The following SMIM12 variants were observed in gnomAD, a reference collection of about 807,000 sequenced individuals.
The protein encoded by SMIM12 is UPF0767 protein C1orf212.
SMIM12 carries 5 observed loss-of-function variants against 6.3 expected under a neutral mutation model. The ratio of observed to expected loss-of-function variants is 0.80; its 90% confidence interval spans 0.42 to 1.68. The LOEUF (loss-of-function observed/expected upper bound fraction) is 1.68, where lower values mean the gene tolerates loss of function less well. Among genes scored for constraint, SMIM12 ranks in the 40% most tolerant of loss-of-function variants. The pLI is 0.02. For missense variants in SMIM12, 103 were observed against 121.4 expected (o/e 0.85, Z 0.71); for synonymous variants, 51 against 48.0 (o/e 1.06, Z -0.26).
Position 34,851,089 on chromosome 1 carries a change from A to G in SMIM12, c.*4610T>C, listed in dbSNP as rs1051927013. 6.6e-6 allele frequency: 1 copy of G among 152,232 alleles called. No homozygotes were observed. Among genetic ancestry groups the G allele is most frequent in the African/African-American group, 2.4e-5 (1 of 41,454 alleles). The allele number at this position is 152,232 out of a possible 1,614,324, so 9.4% of individuals were successfully genotyped here. On this transcript the variant is annotated 3_prime_UTR_variant, in exon 2 of 2. Coordinates refer to ENST00000521580, the MANE Select transcript of SMIM12 (RefSeq NM_138428.6). Reference sequence around the variant, plus strand: ...GATACACACAACTATTGCAGGAAACATAGGTTCTTCCTGCAATACAATTAA... The same window carrying G: ...GATACACACAACTATTGCAGGAAACGTAGGTTCTTCCTGCAATACAATTAA...
rs1290181064 is a variant in SMIM12 at position 34,851,873 on chromosome 1, G to C, written c.*3826C>G. The stretch of plus-strand genomic sequence containing the variant: ...CATGTGTTTCAGTGAACTGTGACTG[G>C]AAGGCCAGTCAAAAAGAGGGTCACA... On this transcript the variant is annotated 3_prime_UTR_variant, in exon 2 of 2. Coordinates refer to ENST00000521580, the MANE Select transcript of SMIM12 (RefSeq NM_138428.6). Among the ~76,000 whole-genome samples, 1 of 152,186 alleles carries C rather than the reference G, an allele frequency of 6.6e-6. No homozygotes were observed. The highest frequency in any genetic ancestry group is 6.5e-5 in the Admixed American group (1 of 15,284).
rs1331754997 is a variant in SMIM12, at chr1:34,851,418, T to C, written c.*4281A>G. On this transcript the variant is annotated 3_prime_UTR_variant, in exon 2 of 2. Transcript: ENST00000521580. ...CCACTTTATTTTTCCTCTGCTACACTGCCCTGGCTCCCTACCCTACAAGTG... is the reference window on the plus strand; with the variant it reads ...CCACTTTATTTTTCCTCTGCTACACCGCCCTGGCTCCCTACCCTACAAGTG... The C allele has an allele frequency of 6.6e-6, 1 of 152,232 alleles. No homozygotes were observed. The highest frequency in any genetic ancestry group is 2.4e-5 in the African/African-American group (1 of 41,446). 9.4% of individuals were successfully genotyped at this position (152,232 alleles called of 1,614,324 possible). A position where few individuals can be genotyped will look rare whatever the true frequency, so the allele number is the denominator to read the frequency against.
Position 34,855,752 on chromosome 1 carries a change from G to A in SMIM12, c.226C>T (p.Leu76=). 6.3e-7 allele frequency: 1 copy of A among 1,591,704 alleles called. No individual in the cohort carries two copies. Among genetic ancestry groups the A allele is most frequent in the South Asian group, 1.1e-5 (1 of 88,642 alleles). The change falls in exon 2 of 2, where the codon CTA becomes TTA. Residue 76 remains leucine (L), a synonymous_variant. Coordinates refer to ENST00000521580, the MANE Select transcript of SMIM12 (RefSeq NM_138428.6). ...AGCACAGCTTTCGGGGCAAATTCTA[G>A]CTTGTCCTTAAGGCTCACCACCTGC... The part of the protein sequence containing the change: ...HTQVVSLKDK[L]EFAPKAVLNR...
Position 34,854,883 on chromosome 1 carries a change from G to T in SMIM12, c.*816C>A. 1 of 255,148 alleles carries T rather than the reference G, an allele frequency of 3.9e-6. No individual in the cohort carries two copies. The highest frequency in any genetic ancestry group is 7.2e-6 in the Non-Finnish European group (1 of 137,946). The allele number at this position is 255,148 out of a possible 1,614,324, so 15.8% of individuals were successfully genotyped here. On this transcript the variant is annotated 3_prime_UTR_variant, in exon 2 of 2. Coordinates refer to ENST00000521580, the MANE Select transcript of SMIM12 (RefSeq NM_138428.6). Reference sequence around the variant, plus strand: ...TGTAATAATGGTAAAAAGGTTCCTGGGAATCTGTGCCTCCAGGGTTCAGTG... The same window carrying T: ...TGTAATAATGGTAAAAAGGTTCCTGTGAATCTGTGCCTCCAGGGTTCAGTG...
chr1:34,852,028 G>A lies in SMIM12; in HGVS notation c.*3671C>T, dbSNP rs1640945008. Among the ~76,000 whole-genome samples, 1 of 152,214 alleles carries A rather than the reference G, an allele frequency of 6.6e-6. No individual in the cohort carries two copies. On this transcript the variant is annotated 3_prime_UTR_variant, in exon 2 of 2. Coordinates refer to ENST00000521580, the MANE Select transcript of SMIM12 (RefSeq NM_138428.6). ...TCTAATGTCACCCGAGCAGAGGCAA[G>A]AGCACATATACTATCTTACAGCCAC...
chr1:34,856,768 A>C (rs1260009044), intron 1 of SMIM12: 2 of 152,236 alleles, frequency 1.3e-5, no homozygotes, highest in Non-Finnish European at 2.9e-5. Flanking sequence ...AGCATATTTA[A>C]ACAGTCAAAT....
intron 1 of SMIM12, chr1:34,858,149 C>A (rs930421896): frequency 6.6e-6 from 1 of 151,970 alleles, no homozygotes; most frequent in African/African-American, 2.4e-5. Flanking sequence ...TCCAAGACTC[C>A]CCCGCTTATT....
intron 1 of SMIM12, among the ~76,000 whole-genome samples, chr1:34,856,390 C>T (rs1039882294): frequency 1.3e-5 from 2 of 152,142 alleles, no homozygotes; most frequent in Non-Finnish European, 1.5e-5. Context: ...GCACCCACCC[C>T]CGTGCAGAGC....
In SMIM12 at chr1:34,855,019, C is replaced by T. The variant is rs1316247182; in HGVS notation, c.*680G>A. The T allele has an allele frequency of 4.0e-6, 5 of 1,256,096 alleles. No individual in the cohort carries two copies. The highest frequency in any genetic ancestry group is 1.6e-5 in the African/African-American group (1 of 64,184). The allele number at this position is 1,256,096 out of a possible 1,614,324, so 77.8% of individuals were successfully genotyped here. A position where few individuals can be genotyped will look rare whatever the true frequency, so the allele number is the denominator to read the frequency against. On this transcript the variant is annotated 3_prime_UTR_variant, in exon 2 of 2. Coordinates refer to ENST00000521580, the MANE Select transcript of SMIM12 (RefSeq NM_138428.6). ...TAACTCCTAAGAAGACCCCCAAATA[C>T]CACCTGGATGATAAGATTCGATCAT... is the stretch of plus-strand genomic sequence containing the variant.
rs370693891 is a variant in SMIM12, at chr1:34,853,547, C to T, written c.*2152G>A. ...ACTATTTTTACTGTTTATTCCAAAA[C>T]GCAGGAAAAGCTTCATATAAGATAT... is the stretch of plus-strand genomic sequence containing the variant. On this transcript the variant is annotated 3_prime_UTR_variant, in exon 2 of 2. Coordinates refer to ENST00000521580, the MANE Select transcript of SMIM12 (RefSeq NM_138428.6). 3.9e-5 allele frequency: 6 copies of T among 152,314 alleles called. No homozygotes were observed. The highest frequency in any genetic ancestry group is 1.4e-4 in the African/African-American group (6 of 41,566). 9.4% of individuals were successfully genotyped at this position (152,314 alleles called of 1,614,324 possible).
chr1:34,856,120 G>A (rs1046746794), intron 1 of SMIM12, 138 bp from the exon 2 acceptor site: 18 of 1,069,534 alleles, frequency 1.7e-5, no homozygotes, highest in Admixed American at 1.2e-4. Context: ...TTGCTCTGTC[G>A]CCCAGGCTGG....
rs1206269652 is a variant in SMIM12 at position 34,852,122 on chromosome 1, G to C, written c.*3577C>G. On this transcript the variant is annotated 3_prime_UTR_variant, in exon 2 of 2. Transcript: ENST00000521580. Reference sequence around the variant, plus strand: ...GCTGAGAACACTAATAGACTTGCTAGAGGAAGAATTCAGTGACAAAGTGCC... The same window carrying C: ...GCTGAGAACACTAATAGACTTGCTACAGGAAGAATTCAGTGACAAAGTGCC... Among the ~76,000 whole-genome samples the C allele has an allele frequency of 6.6e-6, 1 of 150,736 alleles. No homozygotes were observed. Among genetic ancestry groups the C allele is most frequent in the Non-Finnish European group, 1.5e-5 (1 of 67,818 alleles).
chr1:34,856,418 C>A (rs2148382139), intron 1 of SMIM12: 1 of 155,920 alleles, frequency 6.4e-6, no homozygotes, highest in South Asian at 2.0e-4. Context: ...GAGGTGGATC[C>A]CTGAAATAAT....
At chr1:34,858,892 C>G (rs1343123322) in intron 1 of SMIM12, 1 of 152,230 alleles carries the variant, frequency 6.6e-6, no homozygotes, top group Admixed American at 6.5e-5. Flanking sequence ...AGAACCGTGT[C>G]TGTCTGGCCC....
Position 34,855,252 on chromosome 1 carries a change from C to T in SMIM12, c.*447G>A, listed in dbSNP as rs778077502. 6.6e-6 allele frequency: 9 copies of T among 1,370,416 alleles called. No individual in the cohort carries two copies. The East Asian group carries it at 1.8e-4, about 28-fold the overall frequency. 84.9% of individuals were successfully genotyped at this position (1,370,416 alleles called of 1,614,324 possible). A position where few individuals can be genotyped will look rare whatever the true frequency, so the allele number is the denominator to read the frequency against. On this transcript the variant is annotated 3_prime_UTR_variant, in exon 2 of 2. Coordinates refer to ENST00000521580, the MANE Select transcript of SMIM12 (RefSeq NM_138428.6). ...CAAGACAGATTTCAGTAAGAATGAGCACAAAGGATAGGGCAAAATAGTGAA... is the reference window on the plus strand; with the variant it reads ...CAAGACAGATTTCAGTAAGAATGAGTACAAAGGATAGGGCAAAATAGTGAA...
intron 1 of SMIM12, chr1:34,857,147 T>G (rs1476855584): frequency 6.9e-6 from 1 of 145,132 alleles, no homozygotes; most frequent in Non-Finnish European, 1.5e-5. Flanking sequence ...CATATTTACA[T>G]AAAAAGCTCC....
Position 34,852,659 on chromosome 1 carries a change from C to A in SMIM12, c.*3040G>T, listed in dbSNP as rs561294103. 12 of 116,504 alleles carry A rather than the reference C, an allele frequency of 1.0e-4. No individual in the cohort carries two copies. In the East Asian group the frequency reaches 4.6e-3, roughly 44 times the overall value. The allele number at this position is 116,504 out of a possible 1,614,324, so 7.2% of individuals were successfully genotyped here. A position where few individuals can be genotyped will look rare whatever the true frequency, so the allele number is the denominator to read the frequency against. The stretch of plus-strand genomic sequence containing the variant: ...ACACCAAAAAACCCTGAATTTCTAG[C>A]ATCTCTTCATTTTTTTTTTTTTACC... On this transcript the variant is annotated 3_prime_UTR_variant, in exon 2 of 2. Coordinates refer to ENST00000521580, the MANE Select transcript of SMIM12 (RefSeq NM_138428.6).
Position 34,854,308 on chromosome 1 carries a change from CAAAAAA to C in SMIM12, c.*1385_*1390del, listed in dbSNP as rs923855663. The C allele has an allele frequency of 2.7e-5, 4 of 149,264 alleles. No individual in the cohort carries two copies. Among genetic ancestry groups the C allele is most frequent in the African/African-American group, 9.8e-5 (4 of 40,638 alleles). The allele number at this position is 149,264 out of a possible 1,614,324, so 9.2% of individuals were successfully genotyped here. A position where few individuals can be genotyped will look rare whatever the true frequency, so the allele number is the denominator to read the frequency against. ...GGGTGACAGAATGAGAGTCCATCTC[CAAAAAA>C]AAAGAAAAAAGAAACTACAGGCCAA... On this transcript the variant is annotated 3_prime_UTR_variant, in exon 2 of 2. Transcript: ENST00000521580.
intron 1 of SMIM12, chr1:34,858,015 C>T (rs2148384245): frequency 6.6e-6 from 1 of 152,242 alleles, no homozygotes; most frequent in South Asian, 2.1e-4. Context: ...CCGCTCACCT[C>T]CTGCTGTGCA....
Sources: gnomAD v4.1 joint callset for allele counts (sites outside exome capture counted in the v4.1 genomes callset) on GRCh38, gnomAD v4.1.1 for gene constraint, MANE v1.5 for transcripts, NCBI Gene and HGNC (gene_info 2026-07-23, HGNC 2026-07-21) for gene names.